The following MYO10 variants were observed in gnomAD, a reference collection of about 807,000 sequenced individuals.
The protein encoded by MYO10 is myosin X.
A neutral mutation model predicts 257.3 loss-of-function variants in MYO10; 133 were observed. The ratio of observed to expected loss-of-function variants is 0.52; its 90% CI spans 0.45 to 0.60. MYO10 has a LOEUF of 0.60. Ranked by LOEUF, MYO10 falls within the 20% of genes least tolerant of loss-of-function variation. The probability of loss-of-function intolerance (pLI) is 0.00; values close to 1 mark genes in which losing one functional copy is unlikely to be tolerated. For synonymous variants in MYO10, 1,104 were observed against 1,028.6 expected, an observed-to-expected ratio of 1.07 and a Z score of -1.40; for missense variants, 2,399 against 2,635.7, an observed-to-expected ratio of 0.91 and a Z score of 1.97.
At chr5:16,801,762 A>C (rs1413424967) in intron 3 of MYO10, among the ~76,000 whole-genome samples, 1 of 150,338 alleles carries the variant, frequency 6.7e-6, no homozygotes, top group African/African-American at 2.5e-5. Flanking sequence ...CACATCCTCC[A>C]AGCACTTTCT....
intron 2 of MYO10, among the ~76,000 whole-genome samples, chr5:16,855,212 A>G (rs1031228672): frequency 7.2e-5 from 11 of 152,200 alleles, no homozygotes; most frequent in African/African-American, 2.7e-4. Flanking sequence ...CAATGAGCCA[A>G]TAATGAATAC....
intron 14 of MYO10, among the ~76,000 whole-genome samples, chr5:16,762,903 G>T (rs1019808317): frequency 7.9e-5 from 12 of 151,152 alleles, no homozygotes; most frequent in Non-Finnish European, 1.6e-4. Context: ...GACGGAGGTT[G>T]CAGTGAGCCA....
chr5:16,855,652 T>A, intron 2 of MYO10, among the ~76,000 whole-genome samples: 1 of 152,224 alleles, frequency 6.6e-6, no homozygotes, highest in East Asian at 1.9e-4. Context: ...TGATCTCTTT[T>A]GAGTCCTTTG....
At position 16,773,099 on chromosome 5, in the gene MYO10, T is replaced by G. The variant is rs566160147; in HGVS notation, c.931-3896A>C. On this transcript the variant is annotated intron_variant, in intron 9 of 40. Transcript: ENST00000513610. ...TCTCAATAAAGTTGATTATAAAAAT[T>G]AAAATACCATAAATTACTTGAAGGT... 1.7e-3 allele frequency among the ~76,000 whole-genome samples: 257 copies of G among 152,314 alleles called. 2 individuals carry two copies. Among genetic ancestry groups the G allele is most frequent in the Admixed American group, 3.7e-3 (57 of 15,286 alleles).
intron 4 of MYO10, among the ~76,000 whole-genome samples, chr5:16,788,078 G>A (rs1284572940): frequency 6.6e-6 from 1 of 152,222 alleles, no homozygotes; most frequent in Non-Finnish European, 1.5e-5. Context: ...ACAGGCATGA[G>A]CCACCAGGCC....
At chr5:16,878,153 C>T (rs1744658508) in intron 1 of MYO10, among the ~76,000 whole-genome samples, 1 of 152,192 alleles carries the variant, frequency 6.6e-6, no homozygotes, top group African/African-American at 2.4e-5. Context: ...TCTCAACAAG[C>T]CTTCACCCTC....
intron 6 of MYO10, 25 bp downstream of exon 6, chr5:16,781,680 G>A: frequency 6.2e-7 from 1 of 1,602,486 alleles, no homozygotes; most frequent in Non-Finnish European, 8.5e-7. Flanking sequence ...AATTACTATA[G>A]ATAAAAATAA....
chr5:16,932,089 A>G (rs1245529527), intron 1 of MYO10, among the ~76,000 whole-genome samples: 1 of 152,236 alleles, frequency 6.6e-6, no homozygotes. Flanking sequence ...TCTAATCCAG[A>G]GTGAACCAGA....
In MYO10 at chr5:16,898,391, A is replaced by G. The variant is rs142842672; in HGVS notation, c.22-20684T>C. ...AGCTAACTGGCATTCTTTTTTCCAT[A>G]CCCATTCTCAAATTTCTTTCTCTTT... On this transcript the variant is annotated intron_variant, in intron 1 of 40. Transcript: ENST00000513610. Among the ~76,000 whole-genome samples, 918 of 148,996 alleles carry G rather than the reference A, an allele frequency of 6.2e-3. 8 individuals are homozygous for G. Among genetic ancestry groups the G allele is most frequent in the African/African-American group, 0.022 (872 of 40,466 alleles).
chr5:16,755,270 C>T (rs1740495548), intron 18 of MYO10, among the ~76,000 whole-genome samples: 1 of 152,168 alleles, frequency 6.6e-6, no homozygotes, highest in South Asian at 2.1e-4. Context: ...GGCTCATGCC[C>T]TTCTCCTGCC....
chr5:16,739,705 A>T (rs1739942937), intron 19 of MYO10, among the ~76,000 whole-genome samples: 1 of 148,552 alleles, frequency 6.7e-6, no homozygotes, highest in South Asian at 2.2e-4. Context: ...TTATTAAGTT[A>T]AAAAAAAAAG....
chr5:16,718,039 A>G (rs1738955259), intron 19 of MYO10, among the ~76,000 whole-genome samples: 1 of 152,110 alleles, frequency 6.6e-6, no homozygotes, highest in Non-Finnish European at 1.5e-5. Context: ...TGGGCCCCGC[A>G]CTCGGAGCAG....
Position 16,663,363 on chromosome 5 carries a change from T to G in MYO10, c.*3329A>C. ...TTTTTTTTTTTTTTTTTTTTTTTTT[T>G]TTTTACAAATCACCTATATGTATTA... On this transcript the variant is annotated 3_prime_UTR_variant, in exon 41 of 41. Transcript: ENST00000513610. 1 of 110,112 alleles carries G rather than the reference T, an allele frequency of 9.1e-6. No individual in the cohort carries two copies. The highest frequency in any genetic ancestry group is 3.3e-4 in the South Asian group (1 of 3,042). 6.8% of individuals were successfully genotyped at this position (110,112 alleles called of 1,614,324 possible).
intron 1 of MYO10, among the ~76,000 whole-genome samples, chr5:16,896,569 G>C (rs1165874223): frequency 6.6e-6 from 1 of 152,078 alleles, no homozygotes; most frequent in East Asian, 1.9e-4. Flanking sequence ...CTCCAGCCTG[G>C]GCAACAAAGC....
At chr5:16,935,208 C>G (rs980735807) in intron 1 of MYO10, among the ~76,000 whole-genome samples, 2 of 152,180 alleles carry the variant, frequency 1.3e-5, no homozygotes, top group Non-Finnish European at 2.9e-5. Context: ...TACACAAATA[C>G]ATGATCATTT....
At chr5:16,841,017 T>C (rs253338) in intron 2 of MYO10, among the ~76,000 whole-genome samples, 29,333 of 151,492 alleles carry the variant, frequency 0.19, 2,802 homozygotes, top group East Asian at 0.27. Flanking sequence ...TGGTGGCAGG[T>C]GCCTGTAATC....
At chr5:16,719,991 T>TGCGTGC (rs1342940196) in intron 19 of MYO10, among the ~76,000 whole-genome samples, 15 of 102,034 alleles carry the variant, frequency 1.5e-4, no homozygotes, top group Admixed American at 6.7e-4. Flanking sequence ...TGTGCGTGCG[T>TGCGTGC]GTGTGTGTGT....
In MYO10 at chr5:16,663,338, T is replaced by G. The variant is rs910048008; in HGVS notation, c.*3354A>C. ...ATTTTACTTCTAGTTGTTTTTTTTT[T>G]TTTTTTTTTTTTTTTTTTTTTTTTT... On this transcript the variant is annotated 3_prime_UTR_variant, in exon 41 of 41. Transcript: ENST00000513610. 5.3e-5 allele frequency: 2 copies of G among 37,412 alleles called. No individual in the cohort carries two copies. Among genetic ancestry groups the G allele is most frequent in the Non-Finnish European group, 1.3e-4 (2 of 15,976 alleles). 2.3% of individuals were successfully genotyped at this position (37,412 alleles called of 1,614,324 possible). A position where few individuals can be genotyped will look rare whatever the true frequency, so the allele number is the denominator to read the frequency against.
At position 16,677,416 on chromosome 5, in the gene MYO10, C is replaced by CTTTTTTTTT. The variant is rs796474728; in HGVS notation, c.4543-1271_4543-1263dup. Among the ~76,000 whole-genome samples the CTTTTTTTTT allele has an allele frequency of 1.6e-4, 19 of 119,386 alleles. 4 individuals carry two copies. Among genetic ancestry groups the CTTTTTTTTT allele is most frequent in the East Asian group, 4.7e-4 (2 of 4,268 alleles). 78.3% of individuals were successfully genotyped at this position (119,386 alleles called of 152,430 possible). On this transcript the variant is annotated intron_variant, in intron 33 of 40. Transcript: ENST00000513610. ...ATGGACTTATTTAGGGTAACTTGAC[C>CTTTTTTTTT]TTTTTTTTTTTTTTTTTGAGACGGA... is the stretch of plus-strand genomic sequence containing the variant.
Sources: allele counts gnomAD v4.1 joint callset (sites outside exome capture counted in the v4.1 genomes callset), GRCh38; gene constraint gnomAD v4.1.1; transcripts MANE v1.5; gene names NCBI Gene and HGNC (gene_info 2026-07-23, HGNC 2026-07-21).